Variants in KIAA1549L observed in about 807,000 individuals in gnomAD.
KIAA1549L encodes the protein UPF0606 protein KIAA1549L.
Under a neutral mutation model 160.7 loss-of-function variants are expected in KIAA1549L, and 88 were observed. The observed-to-expected ratio is 0.55, with a 90% CI of 0.46 to 0.65. The LOEUF is 0.65. Among genes scored for constraint, KIAA1549L ranks in the 30% least tolerant of loss-of-function variants. KIAA1549L has a pLI of 0.00. For synonymous variants in KIAA1549L, 950 were observed against 976.7 expected (o/e 0.97, Z 0.51); for missense variants, 2,258 against 2,437.5 (o/e 0.93, Z 1.55).
intron 1 of KIAA1549L, among the ~76,000 whole-genome samples, chr11:33,432,708 A>G (rs1851274982): frequency 6.6e-6 from 1 of 152,234 alleles, no homozygotes; most frequent in Non-Finnish European, 1.5e-5. Flanking sequence ...AGTAACCAAA[A>G]CAGCATGGTA....
At position 33,435,759 on chromosome 11, in the gene KIAA1549L, G is replaced by GAGATATATATATATATAT. The variant is rs1429879805; in HGVS notation, c.238+58871_238+58872insGATATATATATATATATA. On this transcript the variant is annotated intron_variant, in intron 1 of 20. Transcript: ENST00000658780. ...CCTTCCAGAGAAACAGAACCAATAA[G>GAGATATATATATATATAT]ATATATATATATATATATATATATA... Among the ~76,000 whole-genome samples, 6 of 14,990 alleles carry GAGATATATATATATATAT rather than the reference G, an allele frequency of 4.0e-4. 2 individuals are homozygous for GAGATATATATATATATAT. Among genetic ancestry groups the GAGATATATATATATATAT allele is most frequent in the Admixed American group, 2.1e-3 (2 of 952 alleles). The allele number at this position is 14,990 out of a possible 152,430, so 9.8% of individuals were successfully genotyped here.
At chr11:33,433,232 C>T (rs1404108523) in intron 1 of KIAA1549L, among the ~76,000 whole-genome samples, 2 of 151,966 alleles carry the variant, frequency 1.3e-5, no homozygotes, top group African/African-American at 4.8e-5. Flanking sequence ...AACATATTTA[C>T]AAGACAAAAA....
chr11:33,609,124 C>A (rs1850581632), intron 14 of KIAA1549L, among the ~76,000 whole-genome samples: 1 of 152,242 alleles, frequency 6.6e-6, no homozygotes, highest in Non-Finnish European at 1.5e-5. Context: ...TGCCTTTGCC[C>A]TATAGGGCAG....
chr11:33,651,875 C>G (rs1207942838), intron 17 of KIAA1549L, among the ~76,000 whole-genome samples: 1 of 90,070 alleles, frequency 1.1e-5, no homozygotes, highest in Non-Finnish European at 2.3e-5. Context: ...TCCCCTCCCC[C>G]CCTTTCTCCT....
intron 1 of KIAA1549L, among the ~76,000 whole-genome samples, chr11:33,456,068 T>C (rs1158812706): frequency 6.6e-6 from 1 of 152,166 alleles, no homozygotes; most frequent in Non-Finnish European, 1.5e-5. Flanking sequence ...TGGCATTCAA[T>C]TACAGCCAAG....
chr11:33,474,412 T>C (rs1852242881), intron 1 of KIAA1549L, among the ~76,000 whole-genome samples: 1 of 152,224 alleles, frequency 6.6e-6, no homozygotes, highest in African/African-American at 2.4e-5. Flanking sequence ...TCGTTGCTCT[T>C]CTGTGAGCAA....
At chr11:33,561,581 A>T (rs1854859774) in intron 7 of KIAA1549L, 95 bp from the exon 8 acceptor site, 1 of 993,046 alleles carries the variant, frequency 1.0e-6, no homozygotes, top group South Asian at 1.3e-5. Context: ...AGCCTGGGCA[A>T]CATATCAAGA....
Position 33,658,867 on chromosome 11 carries a change from G to A in KIAA1549L, c.5976G>A (p.Thr1992=), listed in dbSNP as rs372325213. The A allele has an allele frequency of 6.2e-5, 96 of 1,560,816 alleles. No individual in the cohort carries two copies. The South Asian group carries it at 9.6e-4, about 16-fold the overall frequency. The change falls in exon 19 of 21, where the codon ACG becomes ACA. Residue 1992 remains threonine, a synonymous_variant. Coordinates refer to ENST00000658780, the MANE Select transcript of KIAA1549L (RefSeq NM_012194.3). ...TQMSRGPVSV[T]QLDQSALNYS... ...TGTCCAGAGGCCCTGTGTCCGTGAC[G>A]CAGTTGGATCAGTCGGCTTTAAATT...
chr11:33,535,060 G>T (rs774575832), intron 1 of KIAA1549L, among the ~76,000 whole-genome samples: 1 of 152,184 alleles, frequency 6.6e-6, no homozygotes, highest in Non-Finnish European at 1.5e-5. Flanking sequence ...TGGCTGGGCT[G>T]TGTTCTCATC....
chr11:33,489,056 G>A (rs1852595320), intron 1 of KIAA1549L, among the ~76,000 whole-genome samples: 2 of 152,228 alleles, frequency 1.3e-5, no homozygotes, highest in Non-Finnish European at 2.9e-5. Flanking sequence ...CTGGCCAGCT[G>A]TCGTTGGGTG....
At chr11:33,471,370 T>C (rs1043762863) in intron 1 of KIAA1549L, among the ~76,000 whole-genome samples, 8 of 152,178 alleles carry the variant, frequency 5.3e-5, no homozygotes, top group African/African-American at 1.9e-4. Flanking sequence ...CTCTAAGTCA[T>C]GCAGTCATGC....
intron 16 of KIAA1549L, among the ~76,000 whole-genome samples, chr11:33,638,966 G>T (rs1363839283): frequency 6.6e-6 from 1 of 152,052 alleles, no homozygotes; most frequent in Admixed American, 6.6e-5. Context: ...AAATTGAGTT[G>T]CTTGTCTTTT....
chr11:33,668,009 C>A lies in KIAA1549L; in HGVS notation c.6296C>A (p.Ala2099Glu). Residue 2099 changes from alanine to glutamate, a missense_variant, in exon 21 of 21, where the codon GCG (alanine) becomes GAG (glutamate). Around this residue, in one of 6 missense-constraint regions of KIAA1549L, gnomAD observed 1,359 missense variants for 1,546.6 expected, o/e 0.88. Transcript: ENST00000658780. Reference sequence around the variant, plus strand: ...GAGCAGGCCCCGGCGCCCTCCACAGCGGCCTCGCAGCAGAGCCTGGCAGAA... The same window carrying A: ...GAGCAGGCCCCGGCGCCCTCCACAGAGGCCTCGCAGCAGAGCCTGGCAGAA... ...SLEQAPAPST[A>E]ASQQSLAEND... 6.2e-7 allele frequency: 1 copy of A among 1,613,958 alleles called. No individual in the cohort carries two copies. Among genetic ancestry groups the A allele is most frequent in the Non-Finnish European group, 8.5e-7 (1 of 1,179,902 alleles).
chr11:33,545,437 A>G (rs1854218836), intron 3 of KIAA1549L, 59 bp downstream of exon 3: 2 of 1,517,358 alleles, frequency 1.3e-6, no homozygotes, highest in African/African-American at 1.4e-5. Flanking sequence ...ATGTAACCAT[A>G]ATGTTTATTT....
intron 1 of KIAA1549L, among the ~76,000 whole-genome samples, chr11:33,421,767 T>G (rs1299650291): frequency 4.6e-5 from 7 of 152,100 alleles, no homozygotes; most frequent in African/African-American, 1.7e-4. Context: ...TTAATAGAAT[T>G]TTGGCCATCA....
At chr11:33,450,060 C>A (rs1253902609) in intron 1 of KIAA1549L, among the ~76,000 whole-genome samples, 1 of 152,186 alleles carries the variant, frequency 6.6e-6, no homozygotes, top group African/African-American at 2.4e-5. Flanking sequence ...ATGCTTGTAG[C>A]TTTTCCTTAG....
intron 8 of KIAA1549L, among the ~76,000 whole-genome samples, chr11:33,563,959 C>G (rs943202533): frequency 2.6e-5 from 4 of 152,188 alleles, no homozygotes; most frequent in African/African-American, 9.7e-5. Flanking sequence ...GGTAACATAA[C>G]CTTAATCAAA....
chr11:33,382,800 G>A (rs144886356), intron 1 of KIAA1549L, among the ~76,000 whole-genome samples: 1 of 152,220 alleles, frequency 6.6e-6, no homozygotes, highest in African/African-American at 2.4e-5. Flanking sequence ...GGCACTGTAG[G>A]GAGGAGTCCC....
chr11:33,447,101 G>A (rs1448026803), intron 1 of KIAA1549L, among the ~76,000 whole-genome samples: 1 of 152,180 alleles, frequency 6.6e-6, no homozygotes, highest in Non-Finnish European at 1.5e-5. Flanking sequence ...GTCAAGAAAG[G>A]AGAAAGTGAA....
Sources: allele counts gnomAD v4.1 joint callset (sites outside exome capture counted in the v4.1 genomes callset), GRCh38; gene constraint gnomAD v4.1.1; regional missense constraint gnomAD v4.1.1; transcripts MANE v1.5; gene names NCBI Gene and HGNC (gene_info 2026-07-23, HGNC 2026-07-21).